HIVEP1: variants seen among roughly 807,000 people sequenced by gnomAD.
The protein encoded by HIVEP1 is zinc finger protein 40.
In HIVEP1, 36 loss-of-function variants were observed where a neutral mutation model predicts 180.0. That is an observed-to-expected ratio of 0.20 (90% CI 0.15 to 0.26). HIVEP1 has a LOEUF of 0.26. HIVEP1 is among the 10% of genes least tolerant of loss of function. The probability of loss-of-function intolerance (pLI) is 1.00; values close to 1 mark genes in which losing one functional copy is unlikely to be tolerated. For missense variants in HIVEP1, 3,143 were observed against 3,268.7 expected (o/e 0.96, Z 0.94); for synonymous variants, 1,239 against 1,239.0 (o/e 1.00, Z 0.00).
At chr6:12,185,361 G>T in the HIVEP1 span, among the ~76,000 whole-genome samples, 1 of 152,186 alleles carries the variant, frequency 6.6e-6, no homozygotes, top group African/African-American at 2.4e-5. Flanking sequence ...GCACGGAAGC[G>T]TAGCTCTAGA....
intron 2 of HIVEP1, among the ~76,000 whole-genome samples, chr6:12,074,975 A>G (rs1327590106): frequency 2.6e-5 from 4 of 152,320 alleles, no homozygotes; most frequent in South Asian, 4.1e-4. Flanking sequence ...CTTGTATTAG[A>G]TATCGTTTAA....
the HIVEP1 span, among the ~76,000 whole-genome samples, chr6:12,192,249 ATG>A: frequency 0.4 from 60,030 of 151,520 alleles, 12,523 homozygotes; most frequent in Non-Finnish European, 0.45. Flanking sequence ...TTTCATAGAA[ATG>A]TGTGTGTGTG....
At chr6:12,136,912 CT>C (rs1758737672) in intron 7 of HIVEP1, among the ~76,000 whole-genome samples, 1 of 152,098 alleles carries the variant, frequency 6.6e-6, no homozygotes, top group South Asian at 2.1e-4. Flanking sequence ...AAGTATTCTG[CT>C]TTTTAAAATG....
chr6:12,134,531 C>T (rs1371926902), intron 6 of HIVEP1, among the ~76,000 whole-genome samples: 1 of 152,160 alleles, frequency 6.6e-6, no homozygotes, highest in South Asian at 2.1e-4. Context: ...ACTGCAAGCC[C>T]GAAATTTGGA....
chr6:12,051,050 C>G (rs1770507530), intron 2 of HIVEP1, among the ~76,000 whole-genome samples: 1 of 87,278 alleles, frequency 1.1e-5, no homozygotes, highest in Non-Finnish European at 2.5e-5. Context: ...AAATAAATAT[C>G]AGGACGACAG....
the HIVEP1 span, among the ~76,000 whole-genome samples, chr6:12,206,290 C>T: frequency 1.3e-5 from 2 of 152,206 alleles, no homozygotes; most frequent in Non-Finnish European, 2.9e-5. Flanking sequence ...CCCGCCACCA[C>T]ACCTGGCTAA....
At chr6:12,211,264 G>A in the HIVEP1 span, among the ~76,000 whole-genome samples, 2 of 96,414 alleles carry the variant, frequency 2.1e-5, no homozygotes, top group African/African-American at 5.2e-5. Context: ...GCCGGGCGTG[G>A]TGGCAGGTGC....
chr6:12,109,849 C>A (rs1336654146), intron 3 of HIVEP1, among the ~76,000 whole-genome samples: 2 of 152,220 alleles, frequency 1.3e-5, no homozygotes, highest in African/African-American at 4.8e-5. Flanking sequence ...TGCCCAGCTC[C>A]ATCAGAGGAA....
At chr6:12,155,728 A>G (rs1257663006) in intron 7 of HIVEP1, among the ~76,000 whole-genome samples, 1 of 152,110 alleles carries the variant, frequency 6.6e-6, no homozygotes, top group Non-Finnish European at 1.5e-5. Flanking sequence ...TGTTATCTTT[A>G]TAGTAAAATG....
At chr6:12,073,247 TC>T (rs1260229644) in intron 2 of HIVEP1, among the ~76,000 whole-genome samples, 2 of 152,196 alleles carry the variant, frequency 1.3e-5, no homozygotes. Flanking sequence ...GGACTTGAGT[TC>T]CTAGCTCCTT....
At chr6:12,169,662 C>A (rs1480319469), downstream of HIVEP1, among the ~76,000 whole-genome samples, 2 of 152,080 alleles carry the variant, frequency 1.3e-5, no homozygotes, top group Non-Finnish European at 2.9e-5. Context: ...TTTGTGTATA[C>A]AGGGGATTGC....
intron 2 of HIVEP1, among the ~76,000 whole-genome samples, chr6:12,049,868 T>C (rs903712486): frequency 4.6e-5 from 7 of 152,176 alleles, no homozygotes; most frequent in African/African-American, 1.4e-4. Flanking sequence ...TCTTCCTTTT[T>C]GATGTAACTG....
chr6:12,142,318 G>C (rs1373927495), intron 7 of HIVEP1, among the ~76,000 whole-genome samples: 1 of 152,160 alleles, frequency 6.6e-6, no homozygotes, highest in Non-Finnish European at 1.5e-5. Context: ...CAGAAATAAA[G>C]ATGTTCTTTG....
At chr6:12,176,436 TGGCCA>T in the HIVEP1 span, among the ~76,000 whole-genome samples, 1 of 152,074 alleles carries the variant, frequency 6.6e-6, no homozygotes, top group Non-Finnish European at 1.5e-5. Flanking sequence ...TTCACCATGT[TGGCCA>T]GGCTGATCTC....
intron 2 of HIVEP1, among the ~76,000 whole-genome samples, chr6:12,068,280 G>T (rs529360408): frequency 6.6e-6 from 1 of 152,128 alleles, no homozygotes; most frequent in African/African-American, 2.4e-5. Context: ...AGTAGAGGCG[G>T]GGTTTCACCG....
the HIVEP1 span, among the ~76,000 whole-genome samples, chr6:12,197,355 T>A: frequency 1.1e-4 from 16 of 151,868 alleles, no homozygotes; most frequent in Non-Finnish European, 2.4e-4. Context: ...GTCAGGAGTT[T>A]GAGACCAGCC....
chr6:12,146,146 G>A (rs1408494316), intron 7 of HIVEP1, among the ~76,000 whole-genome samples: 1 of 152,078 alleles, frequency 6.6e-6, no homozygotes, highest in African/African-American at 2.4e-5. Context: ...ATTAATTTTC[G>A]AATTAGATAT....
the HIVEP1 span, among the ~76,000 whole-genome samples, chr6:12,170,231 C>A: frequency 2.8e-4 from 42 of 151,990 alleles, no homozygotes; most frequent in Admixed American, 1.3e-3. Flanking sequence ...TGCAAGGTAT[C>A]TTGAATGGCA....
chr6:12,203,748 G>A, the HIVEP1 span, among the ~76,000 whole-genome samples: 1 of 152,176 alleles, frequency 6.6e-6, no homozygotes, highest in Non-Finnish European at 1.5e-5. Flanking sequence ...TGTCTAAGAA[G>A]TTTCACGTGG....
Sources: gnomAD v4.1 joint callset for allele counts (sites outside exome capture counted in the v4.1 genomes callset) on GRCh38, gnomAD v4.1.1 for gene constraint, MANE v1.5 for transcripts, NCBI Gene and HGNC (gene_info 2026-07-23, HGNC 2026-07-21) for gene names.